Variants in CDH23 observed in about 807,000 individuals in gnomAD.
The protein encoded by CDH23 is cadherin related 23.
A neutral mutation model predicts 317.1 loss-of-function variants in CDH23; 189 were observed. The observed-to-expected ratio is 0.60, with a 90% CI of 0.53 to 0.67. The LOEUF is 0.67. CDH23 is among the 30% of genes least tolerant of loss of function. The pLI is 0.00. For synonymous variants in CDH23, 1,839 were observed against 1,876.8 expected, an observed-to-expected ratio of 0.98 and a Z score of 0.52; for missense variants, 4,401 against 4,592.4, an observed-to-expected ratio of 0.96 and a Z score of 1.20.
Position 71,809,147 on chromosome 10 carries a change from GTTT to G in CDH23, c.8723-671_8723-669del, listed in dbSNP as rs145830607. 3.9e-5 allele frequency among the ~76,000 whole-genome samples: 5 copies of G among 129,434 alleles called. No individual in the cohort carries two copies. The Admixed American group carries it at 3.9e-4, about 10-fold the overall frequency. The allele number at this position is 129,434 out of a possible 152,430, so 84.9% of individuals were successfully genotyped here. On this transcript the variant is annotated intron_variant, in intron 60 of 69. Coordinates refer to ENST00000224721, the MANE Select transcript of CDH23 (RefSeq NM_022124.6). ...CCACCTGACCATCTCTCTTCTATGG[GTTT>G]TGTTGTTTTCTTTTTCCTTTTTTTT...
At chr10:71,715,870 T>A in intron 28 of CDH23, 1 of 1,393,432 alleles carries the variant, frequency 7.2e-7, no homozygotes, top group South Asian at 1.5e-5. Context: ...GCAGCACCGG[T>A]CTCTGAAGCA....
In CDH23 at chr10:71,689,002, C is replaced by T. The variant is rs868754139; in HGVS notation, c.2059+1283C>T. Among the ~76,000 whole-genome samples, 23 of 35,802 alleles carry T rather than the reference C, an allele frequency of 6.4e-4. 3 individuals carry two copies. The highest frequency in any genetic ancestry group is 9.2e-4 in the South Asian group (1 of 1,082). The allele number at this position is 35,802 out of a possible 152,430, so 23.5% of individuals were successfully genotyped here. On this transcript the variant is annotated intron_variant, in intron 19 of 69. Transcript: ENST00000224721. Reference sequence around the variant, plus strand: ...GGTGGTGGAGTCAGGGATGGTGGAGCCAGGGGTGGTGGAGTCAGGGGTGGT... The same window carrying T: ...GGTGGTGGAGTCAGGGATGGTGGAGTCAGGGGTGGTGGAGTCAGGGGTGGT...
At chr10:71,438,342 TCAAA>T (rs1286153762) in intron 1 of CDH23, among the ~76,000 whole-genome samples, 1 of 72,714 alleles carries the variant, frequency 1.4e-5, no homozygotes, top group Non-Finnish European at 2.3e-5. Flanking sequence ...AGATTCTGTC[TCAAA>T]CAAAAAAAAA....
At chr10:71,732,951 C>A (rs1025367602) in intron 32 of CDH23, among the ~76,000 whole-genome samples, 4 of 152,148 alleles carry the variant, frequency 2.6e-5, no homozygotes, top group Non-Finnish European at 4.4e-5. Context: ...ACACACCACG[C>A]AATTCTCCAG....
Position 71,397,749 on chromosome 10 carries a change from A to T in CDH23, c.-6+431A>T, listed in dbSNP as rs1449527381. Among the ~76,000 whole-genome samples the T allele has an allele frequency of 1.3e-5, 2 of 152,044 alleles. No homozygotes were observed. The highest frequency in any genetic ancestry group is 2.9e-5 in the Non-Finnish European group (2 of 67,990). On this transcript the variant is annotated intron_variant, in intron 1 of 69. Transcript: ENST00000224721. This position sits in a 1 kb window ranked among gnomAD's most constrained non-coding sequence, Gnocchi z 4.8. ...CTGAGCCCTGGGTCCCCATTTGGAC[A>T]GTGGGGATGGGGTGGGGCGCACCCC...
At chr10:71,814,014 G>A (rs1299830722) in intron 69 of CDH23, among the ~76,000 whole-genome samples, 2 of 152,166 alleles carry the variant, frequency 1.3e-5, no homozygotes, top group East Asian at 1.9e-4. Flanking sequence ...ACCTAAAAAC[G>A]AATCTCCAGC....
intron 18 of CDH23, among the ~76,000 whole-genome samples, chr10:71,685,022 A>G (rs1864816375): frequency 6.6e-6 from 1 of 152,218 alleles, no homozygotes; most frequent in African/African-American, 2.4e-5. Flanking sequence ...TTACTGGCAG[A>G]GCTGGGACTT....
At chr10:71,629,435 A>C (rs374914524) in intron 11 of CDH23, among the ~76,000 whole-genome samples, 2 of 152,196 alleles carry the variant, frequency 1.3e-5, no homozygotes, top group African/African-American at 4.8e-5. Flanking sequence ...GCTCTGCAGA[A>C]GGAGGCTCAG....
intron 6 of CDH23, among the ~76,000 whole-genome samples, chr10:71,517,576 G>A (rs1383459252): frequency 6.6e-6 from 1 of 152,216 alleles, no homozygotes; most frequent in East Asian, 1.9e-4. Context: ...AGATGCGAGG[G>A]GGCTCCCACT....
intron 11 of CDH23, among the ~76,000 whole-genome samples, chr10:71,627,128 G>A (rs187907323): frequency 3.3e-5 from 5 of 152,278 alleles, no homozygotes; most frequent in Admixed American, 6.5e-5. Flanking sequence ...GCACCTCTCC[G>A]CATCTCTGTT....
chr10:71,738,403 G>T (rs569818569), intron 34 of CDH23, 95 bp from the exon 35 acceptor site: 1 of 1,443,780 alleles, frequency 6.9e-7, no homozygotes, highest in Admixed American at 1.7e-5. Context: ...GAACCCACTG[G>T]GGATCTGGTC....
At chr10:71,586,916 C>T (rs541839375) in intron 9 of CDH23, among the ~76,000 whole-genome samples, 6 of 152,282 alleles carry the variant, frequency 3.9e-5, no homozygotes, top group African/African-American at 1.4e-4. Flanking sequence ...GCATATTACT[C>T]CATCATGGGA....
At chr10:71,401,146 T>C (rs750170671) in intron 1 of CDH23, among the ~76,000 whole-genome samples, 2 of 152,200 alleles carry the variant, frequency 1.3e-5, no homozygotes, top group Non-Finnish European at 2.9e-5. Flanking sequence ...TGGGTTCTTC[T>C]GTATTCCAGC....
chr10:71,403,452 CCTTTCCTT>C (rs1264732425), intron 1 of CDH23, among the ~76,000 whole-genome samples: 41 of 35,324 alleles, frequency 1.2e-3, no homozygotes, highest in Admixed American at 1.6e-3. Flanking sequence ...TTCCTTCCTT[CCTTTCCTT>C]CCTTCCTTCC....
In CDH23 at chr10:71,421,364, G is replaced by A. The variant is rs148910651; in HGVS notation, c.-5-18463G>A. Among the ~76,000 whole-genome samples, 804 of 152,362 alleles carry A rather than the reference G, an allele frequency of 5.3e-3. 10 individuals carry two copies. Among genetic ancestry groups the A allele is most frequent in the African/African-American group, 0.018 (754 of 41,582 alleles). On this transcript the variant is annotated intron_variant, in intron 1 of 69. Transcript: ENST00000224721. ...CACCTGCCCCACCTGAGGAGAACCT[G>A]TGTGCCTGGGGAGTGGGTGGGGGCA...
At chr10:71,594,232 A>G (rs1859687062) in intron 9 of CDH23, among the ~76,000 whole-genome samples, 1 of 152,244 alleles carries the variant, frequency 6.6e-6, no homozygotes, top group Non-Finnish European at 1.5e-5. Flanking sequence ...GGACTGTAGT[A>G]TAAAAAATTG....
intron 38 of CDH23, among the ~76,000 whole-genome samples, chr10:71,762,259 C>T (rs1429387661): frequency 6.6e-6 from 1 of 152,220 alleles, no homozygotes; most frequent in Non-Finnish European, 1.5e-5. Context: ...GGATGCTGGA[C>T]AGGGCAGGGA....
At chr10:71,510,846 G>A (rs1038698561) in intron 4 of CDH23, 108 bp from the exon 5 acceptor site, 6 of 1,078,894 alleles carry the variant, frequency 5.6e-6, no homozygotes, top group Non-Finnish European at 8.6e-6. Context: ...CTGGTTCCAG[G>A]CAAGCTCCTA....
chr10:71,491,089 C>T (rs981569469), intron 3 of CDH23, among the ~76,000 whole-genome samples: 3 of 152,210 alleles, frequency 2.0e-5, no homozygotes, highest in Non-Finnish European at 4.4e-5. Context: ...TTCCAGGTAG[C>T]CGTGCACCAA....
Sources: gnomAD v4.1 joint callset for allele counts (sites outside exome capture counted in the v4.1 genomes callset) on GRCh38, gnomAD v4.1.1 for gene constraint, Gnocchi (gnomAD v3.1) non-coding constraint, MANE v1.5 for transcripts, NCBI Gene and HGNC (gene_info 2026-07-23, HGNC 2026-07-21) for gene names.